Variants in ARHGAP39 observed in about 807,000 individuals in gnomAD.
The protein encoded by ARHGAP39 is rho GTPase-activating protein 39.
In ARHGAP39, 44 loss-of-function variants were observed where a neutral mutation model predicts 106.9. That is an observed-to-expected ratio of 0.41 (90% CI 0.32 to 0.53). The LOEUF (loss-of-function observed/expected upper bound fraction) is 0.53, where lower values mean the gene tolerates loss of function less well. ARHGAP39 is among the 20% of genes least tolerant of loss of function. The pLI, the probability that ARHGAP39 is intolerant of heterozygous loss-of-function variation, is 0.21. For missense variants in ARHGAP39, 1,496 were observed against 1,577.3 expected (o/e 0.95, Z 0.87); for synonymous variants, 768 against 693.2 (o/e 1.11, Z -1.69).
chr8:144,596,766 G>A (rs1405260018), intron 2 of ARHGAP39, among the ~76,000 whole-genome samples: 1 of 152,238 alleles, frequency 6.6e-6, no homozygotes, highest in African/African-American at 2.4e-5. Flanking sequence ...CACAGACAGA[G>A]GACCCACTGG....
In ARHGAP39 at chr8:144,547,580, G is replaced by A. The variant is rs1176394965; in HGVS notation, c.1506C>T (p.Cys502=). The A allele has an allele frequency of 1.4e-6, 2 of 1,473,910 alleles. No individual in the cohort carries two copies. Among genetic ancestry groups the A allele is most frequent in the African/African-American group, 1.4e-5 (1 of 71,640 alleles). 91.3% of individuals were successfully genotyped at this position (1,473,910 alleles called of 1,614,324 possible). A position where few individuals can be genotyped will look rare whatever the true frequency, so the allele number is the denominator to read the frequency against. The change falls in exon 5 of 12, where the codon TGC becomes TGT. Residue 502 remains cysteine (C), a synonymous_variant. Transcript: ENST00000377307. This position sits in a 1 kb window ranked among gnomAD's most constrained non-coding sequence, Gnocchi z 5.2. ...CAGTGGGGGTGGCGCTGGTGGCTTG[G>A]CACAAAGAGGGCTTTCTGCTCTTCC... ...RKRKSRKPSL[C]QATSATPTEG... is the part of the protein sequence containing the mutation.
chr8:144,686,672 G>A (rs1026110411), upstream of ARHGAP39, among the ~76,000 whole-genome samples: 4 of 152,150 alleles, frequency 2.6e-5, no homozygotes, highest in African/African-American at 9.7e-5. Context: ...CTCCCGTCGG[G>A]CTGTCTCGCC....
intron 2 of ARHGAP39, among the ~76,000 whole-genome samples, chr8:144,602,171 G>A (rs1385665303): frequency 7.2e-5 from 10 of 139,290 alleles, no homozygotes; most frequent in East Asian, 4.5e-4. Flanking sequence ...GCGTGGAGGC[G>A]TGTGTGCTCG....
At chr8:144,690,445 A>G (rs187407994), upstream of ARHGAP39, among the ~76,000 whole-genome samples, 868 of 151,920 alleles carry the variant, frequency 5.7e-3, 5 homozygotes, top group Non-Finnish European at 9.6e-3. Flanking sequence ...AAGGGCTCCA[A>G]TTTCTCCATA....
At chr8:144,589,155 G>A (rs1342376368) in intron 2 of ARHGAP39, among the ~76,000 whole-genome samples, 1 of 152,244 alleles carries the variant, frequency 6.6e-6, no homozygotes, top group Non-Finnish European at 1.5e-5. Flanking sequence ...GGACCCTGGT[G>A]CAGTGGACAC....
At chr8:144,638,469 G>A (rs1208714934) in intron 1 of ARHGAP39, among the ~76,000 whole-genome samples, 1 of 152,092 alleles carries the variant, frequency 6.6e-6, no homozygotes, top group Non-Finnish European at 1.5e-5. Context: ...TTCCCCTTCT[G>A]GGGCTGAAAT....
Position 144,580,935 on chromosome 8 carries a change from C to A in ARHGAP39, c.423G>T (p.Glu141Asp), listed in dbSNP as rs1011061220. 2 of 1,605,740 alleles carry A rather than the reference C, an allele frequency of 1.2e-6. No individual in the cohort carries two copies. Among genetic ancestry groups the A allele is most frequent in the Non-Finnish European group, 1.7e-6 (2 of 1,178,276 alleles). ...GCGCTTTCTCAGTGTCGGGCTCGGG[C>A]TCCAGGGAGGAGCTGGTGCTGCCCT... ...SREGSTSSSL[E>D]PEPDTEKAQE... Residue 141 changes from glutamate (E) to aspartate (D), a missense_variant, in exon 3 of 12, where the codon GAG becomes GAT. By Grantham distance (45) the Glu-to-Asp change is conservative (BLOSUM62 2). Transcript: ENST00000377307.
intron 6 of ARHGAP39, among the ~76,000 whole-genome samples, chr8:144,544,755 G>A (rs1817338080): frequency 6.6e-6 from 1 of 152,246 alleles, no homozygotes; most frequent in Admixed American, 6.5e-5. Flanking sequence ...CAGGTGCTGC[G>A]TGACCTGCAT....
chr8:144,578,223 G>T (rs1044344529), intron 3 of ARHGAP39, among the ~76,000 whole-genome samples: 1 of 152,154 alleles, frequency 6.6e-6, no homozygotes, highest in Non-Finnish European at 1.5e-5. Context: ...TCTATGACAG[G>T]TCAATTTTTG....
intron 1 of ARHGAP39, among the ~76,000 whole-genome samples, chr8:144,648,503 G>A (rs1376380630): frequency 1.3e-5 from 2 of 152,196 alleles, no homozygotes. Flanking sequence ...AACAGCCTAG[G>A]AGGAAACCAT....
chr8:144,580,864 A>C lies in ARHGAP39; in HGVS notation c.494T>G (p.Val165Gly). Residue 165 changes from valine to glycine, a missense_variant, in exon 3 of 12, where the codon GTG becomes GGG. Val to Gly is a moderately radical substitution (Grantham distance 109, BLOSUM62 -3). Coordinates refer to ENST00000377307, the MANE Select transcript of ARHGAP39 (RefSeq NM_025251.3). The stretch of plus-strand genomic sequence containing the variant: ...CCCTCACCTGCCGCTGTCCTCCTTC[A>C]CTGTCCCAAACGCCGCGGGCCGCCC... ...RAGRPAAFGTVKEDSGSSSPP... is the reference protein window; with the variant it reads ...RAGRPAAFGTGKEDSGSSSPP... 6.4e-7 allele frequency: 1 copy of C among 1,568,096 alleles called. No individual in the cohort carries two copies. The highest frequency in any genetic ancestry group is 1.4e-5 in the African/African-American group (1 of 72,290).
intron 7 of ARHGAP39, 142 bp from the exon 8 acceptor site, chr8:144,534,344 G>T: frequency 1.2e-6 from 1 of 803,724 alleles, no homozygotes. Flanking sequence ...AGCACAGCGG[G>T]TCCTCACACT....
At chr8:144,565,880 C>T (rs372394270) in intron 3 of ARHGAP39, among the ~76,000 whole-genome samples, 1 of 150,044 alleles carries the variant, frequency 6.7e-6, no homozygotes, top group East Asian at 2.0e-4. Context: ...TCGCTTGAGC[C>T]CAGGAGTTTG....
rs1431791409 is a variant in ARHGAP39, at chr8:144,530,950, A to C, written c.2981-79T>G. On this transcript the variant is annotated intron_variant, in intron 10 of 11. Transcript: ENST00000377307. ...AAATGGGGTCCCGTGGCGGACATGC[A>C]TGGAGGGGTGCTGTGGGGGACAGGC... is the stretch of plus-strand genomic sequence containing the variant. 6.0e-6 allele frequency: 9 copies of C among 1,489,272 alleles called. No homozygotes were observed. The East Asian group carries it at 1.7e-4, about 27-fold the overall frequency. 92.3% of individuals were successfully genotyped at this position (1,489,272 alleles called of 1,614,324 possible). A position where few individuals can be genotyped will look rare whatever the true frequency, so the allele number is the denominator to read the frequency against.
intron 3 of ARHGAP39, among the ~76,000 whole-genome samples, chr8:144,574,391 C>G (rs899620683): frequency 6.6e-6 from 1 of 152,196 alleles, no homozygotes; most frequent in East Asian, 1.9e-4. Context: ...AAAAATTAGG[C>G]TGGGTGTGGT....
At chr8:144,695,220 G>GCC in the ARHGAP39 span, among the ~76,000 whole-genome samples, 1 of 146,436 alleles carries the variant, frequency 6.8e-6, no homozygotes, top group Non-Finnish European at 1.5e-5. Flanking sequence ...GACTACAGGT[G>GCC]CGTGCCAACA....
intron 7 of ARHGAP39, among the ~76,000 whole-genome samples, chr8:144,536,981 G>A (rs1255679425): frequency 1.3e-5 from 2 of 152,226 alleles, no homozygotes; most frequent in African/African-American, 4.8e-5. Context: ...GAGTGGGCGT[G>A]AGGCACTAAC....
the ARHGAP39 span, among the ~76,000 whole-genome samples, chr8:144,693,172 C>T: frequency 6.7e-6 from 1 of 148,634 alleles, no homozygotes; most frequent in Non-Finnish European, 1.5e-5. Flanking sequence ...TCAAGCGATT[C>T]TCCTGCCTCA....
rs1820222703 is a variant in ARHGAP39 at position 144,604,832 on chromosome 8, C to T, written c.80+703G>A. On this transcript the variant is annotated intron_variant, in intron 2 of 11. Coordinates refer to ENST00000377307, the MANE Select transcript of ARHGAP39 (RefSeq NM_025251.3). This position sits in a 1 kb window ranked among gnomAD's most constrained non-coding sequence, Gnocchi z 4.1. The stretch of plus-strand genomic sequence containing the variant: ...CCTGAGGGAGCTCACGCTCTCACAC[C>T]GCCACCCCCAAAAGCATTCAGAGGC... Among the ~76,000 whole-genome samples, 1 of 152,202 alleles carries T rather than the reference C, an allele frequency of 6.6e-6. No individual in the cohort carries two copies. The highest frequency in any genetic ancestry group is 2.4e-5 in the African/African-American group (1 of 41,454).
Sources: gnomAD v4.1 joint callset for allele counts (sites outside exome capture counted in the v4.1 genomes callset) on GRCh38, gnomAD v4.1.1 for gene constraint, Gnocchi (gnomAD v3.1) non-coding constraint, MANE v1.5 for transcripts, NCBI Gene and HGNC (gene_info 2026-07-23, HGNC 2026-07-21) for gene names.